Variants in ARL6 observed in about 807,000 individuals in gnomAD.
ARL6 encodes ARF like GTPase 6.
In ARL6, 18 loss-of-function variants were observed where a neutral mutation model predicts 27.1. That is an observed-to-expected ratio of 0.66 (90% CI 0.46 to 0.98). ARL6 has a LOEUF of 0.98. Ranked by LOEUF, ARL6 falls within the 50% of genes least tolerant of loss-of-function variation. The pLI, the probability that ARL6 is intolerant of heterozygous loss-of-function variation, is 0.00. For synonymous variants in ARL6, 65 were observed against 72.3 expected (o/e 0.90, Z 0.51); for missense variants, 187 against 214.9 (o/e 0.87, Z 0.81).
intron 2 of ARL6, among the ~76,000 whole-genome samples, chr3:97,771,539 G>C (rs2036634863): frequency 1.3e-5 from 2 of 150,290 alleles, no homozygotes; most frequent in South Asian, 4.1e-4. Context: ...GGAACTTCTA[G>C]TATTGTTTTT....
chr3:97,799,979 G>A lies in ARL6; in HGVS notation c.*1930G>A, dbSNP rs748647053. ...ATGGTAGAGGGAAGGTCAGAGACTA[G>A]AGACTACTCTTTGCTTTTTTTGTTT... On this transcript the variant is annotated 3_prime_UTR_variant, in exon 8 of 8. Transcript: ENST00000463745. 3 of 152,094 alleles carry A rather than the reference G, an allele frequency of 2.0e-5. No individual in the cohort carries two copies. The highest frequency in any genetic ancestry group is 7.2e-5 in the African/African-American group (3 of 41,450). The allele number at this position is 152,094 out of a possible 1,614,324, so 9.4% of individuals were successfully genotyped here.
At chr3:97,769,935 A>G (rs2036560954) in intron 2 of ARL6, among the ~76,000 whole-genome samples, 1 of 152,106 alleles carries the variant, frequency 6.6e-6, no homozygotes, top group Admixed American at 6.5e-5. Context: ...CCATACATCC[A>G]TTGATGGACA....
At chr3:97,775,439 A>G (rs1335546145) in intron 2 of ARL6, among the ~76,000 whole-genome samples, 1 of 120,512 alleles carries the variant, frequency 8.3e-6, no homozygotes, top group East Asian at 3.5e-4. Flanking sequence ...TGGGAGGCTA[A>G]GCCAGCCTAG....
intron 2 of ARL6, among the ~76,000 whole-genome samples, chr3:97,776,252 T>A: frequency 6.6e-6 from 1 of 152,242 alleles, no homozygotes; most frequent in East Asian, 1.9e-4. Context: ...TGAGTATAGT[T>A]AATCTTGCTG....
In ARL6 at chr3:97,768,092, A is replaced by G. The variant is rs1192791002; in HGVS notation, c.-16A>G. ...TTTCTTAATTGCAGCTGGTTTGTAA[A>G]TATTTGAATCACATTATGGGATTGC... On this transcript the variant is annotated 5_prime_UTR_variant, in exon 2 of 8. Transcript: ENST00000463745. 2.5e-6 allele frequency: 4 copies of G among 1,612,370 alleles called. No homozygotes were observed. The highest frequency in any genetic ancestry group is 3.4e-6 in the Non-Finnish European group (4 of 1,178,776).
In ARL6 at chr3:97,770,223, CA is replaced by C. The variant is rs1313330373; in HGVS notation, c.123+1995del. ...ATTTTTTTGCCTTTTTTGATAAAGG[CA>C]ATTTTAACTGGGGTGAAATAATATC... On this transcript the variant is annotated intron_variant, in intron 2 of 7. Coordinates refer to ENST00000463745, the MANE Select transcript of ARL6 (RefSeq NM_001278293.3). Among the ~76,000 whole-genome samples the C allele has an allele frequency of 5.9e-5, 9 of 152,100 alleles. 1 individual carries two copies. The highest frequency in any genetic ancestry group is 2.2e-4 in the African/African-American group (9 of 41,536).
rs1429382871 is a variant in ARL6 at position 97,799,594 on chromosome 3, CCTCA to C, written c.*1552_*1555del. ...GAAAGAATTGATTGAGAATTCAAAT[CCTCA>C]CTCACTTACCATAAGGTAGTAATAA... On this transcript the variant is annotated 3_prime_UTR_variant, in exon 8 of 8. Coordinates refer to ENST00000463745, the MANE Select transcript of ARL6 (RefSeq NM_001278293.3). The C allele has an allele frequency of 5.3e-5, 8 of 152,014 alleles. No individual in the cohort carries two copies. Among genetic ancestry groups the C allele is most frequent in the African/African-American group, 1.7e-4 (7 of 41,420 alleles). The allele number at this position is 152,014 out of a possible 1,614,324, so 9.4% of individuals were successfully genotyped here. A position where few individuals can be genotyped will look rare whatever the true frequency, so the allele number is the denominator to read the frequency against.
rs768599995 is a variant in ARL6 at position 97,787,972 on chromosome 3, T to C, written c.350-18T>C. On this transcript the variant is annotated intron_variant, in intron 5 of 7. Coordinates refer to ENST00000463745, the MANE Select transcript of ARL6 (RefSeq NM_001278293.3). ...TAAAAAGCTGGAAGTGTGATGATAA[T>C]CTTATTTTCTCTTTTAGATATTAAA... 2 of 1,612,736 alleles carry C rather than the reference T, an allele frequency of 1.2e-6. No individual in the cohort carries two copies. The highest frequency in any genetic ancestry group is 1.7e-5 in the Admixed American group (1 of 59,932).
rs750627875 is a variant in ARL6, at chr3:97,791,820, C to T, written c.529C>T (p.Leu177Phe). The T allele has an allele frequency of 5.0e-6, 8 of 1,613,154 alleles. No homozygotes were observed. In the Admixed American group the frequency reaches 1.3e-4, roughly 27 times the overall value. Residue 177 changes from leucine to phenylalanine, a missense_variant, in exon 7 of 8, where the codon CTT becomes TTT. Coordinates refer to ENST00000463745, the MANE Select transcript of ARL6 (RefSeq NM_001278293.3). Reference protein sequence around the residue: ...GEGLQEGVDWLQDQIQTVKT With the variant: ...GEGLQEGVDWFQDQIQTVKT Reference sequence around the variant, plus strand: ...AGGCTTGCAAGAAGGTGTAGACTGGCTTCAAGGTACATTACAAAATACTGT... The same window carrying T: ...AGGCTTGCAAGAAGGTGTAGACTGGTTTCAAGGTACATTACAAAATACTGT...
At chr3:97,775,390 A>T (rs1435922525) in intron 2 of ARL6, among the ~76,000 whole-genome samples, 1 of 152,158 alleles carries the variant, frequency 6.6e-6, no homozygotes, top group Admixed American at 6.5e-5. Context: ...TCTGATGTTC[A>T]AGGGCAGGAA....
At chr3:97,790,113 T>C (rs898373751) in intron 6 of ARL6, among the ~76,000 whole-genome samples, 1 of 151,570 alleles carries the variant, frequency 6.6e-6, no homozygotes, top group Non-Finnish European at 1.5e-5. Flanking sequence ...TATGTATACT[T>C]GTTTACCATC....
In ARL6 at chr3:97,785,753, G is replaced by A. The variant is rs62264182; in HGVS notation, c.349+704G>A. 1.5e-3 allele frequency among the ~76,000 whole-genome samples: 223 copies of A among 151,938 alleles called. 2 individuals carry two copies. The highest frequency in any genetic ancestry group is 3.4e-3 in the Middle Eastern group (1 of 294). On this transcript the variant is annotated intron_variant, in intron 5 of 7. Coordinates refer to ENST00000463745, the MANE Select transcript of ARL6 (RefSeq NM_001278293.3). Reference sequence around the variant, plus strand: ...ACCTGTTGATGTATACTTTCCTCCCGCCCAAGCCCCCACTACAAACAGTGC... The same window carrying A: ...ACCTGTTGATGTATACTTTCCTCCCACCCAAGCCCCCACTACAAACAGTGC...
At position 97,798,254 on chromosome 3, in the gene ARL6, G is replaced by T; in HGVS notation, c.*205G>T. 1.8e-6 allele frequency: 1 copy of T among 550,366 alleles called. No individual in the cohort carries two copies. The highest frequency in any genetic ancestry group is 2.6e-5 in the South Asian group (1 of 39,004). 34.1% of individuals were successfully genotyped at this position (550,366 alleles called of 1,614,324 possible). The stretch of plus-strand genomic sequence containing the variant: ...TTAAAAACTAAATATTCCCTCAAAA[G>T]GGCTCCCTAGAATTATCAAGTTCTT... On this transcript the variant is annotated 3_prime_UTR_variant, in exon 8 of 8. Transcript: ENST00000463745.
At chr3:97,793,969 G>T (rs980839429) in intron 7 of ARL6, among the ~76,000 whole-genome samples, 14 of 151,468 alleles carry the variant, frequency 9.2e-5, no homozygotes, top group East Asian at 7.8e-4. Flanking sequence ...TTTTTAATCT[G>T]TAAAAGTAAA....
At chr3:97,786,167 A>T (rs1432347612) in intron 5 of ARL6, among the ~76,000 whole-genome samples, 1 of 152,070 alleles carries the variant, frequency 6.6e-6, no homozygotes, top group Non-Finnish European at 1.5e-5. Flanking sequence ...CCTGGCCAAC[A>T]TGGTGAAACC....
At chr3:97,794,821 C>T (rs911653062) in intron 7 of ARL6, among the ~76,000 whole-genome samples, 1 of 152,112 alleles carries the variant, frequency 6.6e-6, no homozygotes, top group Admixed American at 6.5e-5. Context: ...AGCAGTGGCT[C>T]ATGCCAGTAA....
In ARL6 at chr3:97,798,341, C is replaced by T; in HGVS notation, c.*292C>T. 3.7e-6 allele frequency: 1 copy of T among 272,638 alleles called. No homozygotes were observed. Among genetic ancestry groups the T allele is most frequent in the Non-Finnish European group, 6.9e-6 (1 of 144,558 alleles). The allele number at this position is 272,638 out of a possible 1,614,324, so 16.9% of individuals were successfully genotyped here. On this transcript the variant is annotated 3_prime_UTR_variant, in exon 8 of 8. Coordinates refer to ENST00000463745, the MANE Select transcript of ARL6 (RefSeq NM_001278293.3). ...AAAAGTCAGTTATAAGCCATCTCAT[C>T]CCATCATAATTTATGATATGTTTAA...
At chr3:97,765,509 A>G (rs1160458434) in intron 1 of ARL6, among the ~76,000 whole-genome samples, 1 of 152,116 alleles carries the variant, frequency 6.6e-6, no homozygotes, top group Non-Finnish European at 1.5e-5. Flanking sequence ...GACAATAACC[A>G]AGAGAATTTG....
chr3:97,791,909 A>G (rs762699766), intron 7 of ARL6, 83 bp downstream of exon 7: 18 of 1,195,838 alleles, frequency 1.5e-5, no homozygotes, highest in Admixed American at 2.1e-5. Flanking sequence ...TTATTTTATT[A>G]TATCATTGCC....
Sources: gnomAD v4.1 joint callset for allele counts (sites outside exome capture counted in the v4.1 genomes callset) on GRCh38, gnomAD v4.1.1 for gene constraint, MANE v1.5 for transcripts, NCBI Gene and HGNC (gene_info 2026-07-23, HGNC 2026-07-21) for gene names.